The following COL27A1 variants were observed in gnomAD, a reference collection of about 807,000 sequenced individuals.
COL27A1 encodes collagen alpha-1(XXVII) chain.
In COL27A1, 106 loss-of-function variants were observed where a neutral mutation model predicts 251.3. The observed-to-expected ratio is 0.42, with a 90% CI of 0.36 to 0.50. COL27A1 has a LOEUF of 0.50. COL27A1 is among the 20% of genes least tolerant of loss of function. The pLI is 0.00. For missense variants in COL27A1, 2,325 were observed against 2,522.8 expected, an observed-to-expected ratio of 0.92 and a Z score of 1.68; for synonymous variants, 1,000 against 986.3, an observed-to-expected ratio of 1.01 and a Z score of -0.26.
chr9:114,263,226 T>G (rs577173836), intron 28 of COL27A1, among the ~76,000 whole-genome samples: 4 of 152,246 alleles, frequency 2.6e-5, no homozygotes, highest in Non-Finnish European at 1.5e-5. Flanking sequence ...CGTGAGCCAC[T>G]GTGCCCAGCC....
intron 14 of COL27A1, among the ~76,000 whole-genome samples, chr9:114,229,045 A>G (rs771039586): frequency 6.6e-6 from 1 of 152,050 alleles, no homozygotes; most frequent in Non-Finnish European, 1.5e-5. Context: ...GCTGGTCTTG[A>G]ACTCCTGGCC....
At chr9:114,278,352 GCGA>G (rs1835640159) in intron 37 of COL27A1, among the ~76,000 whole-genome samples, 10 of 28,628 alleles carry the variant, frequency 3.5e-4, no homozygotes, top group African/African-American at 5.2e-4. Flanking sequence ...GGTGCTGGTG[GCGA>G]TGGTGATAGT....
chr9:114,303,348 C>T (rs577294008), intron 56 of COL27A1, among the ~76,000 whole-genome samples: 99 of 151,362 alleles, frequency 6.5e-4, no homozygotes, highest in African/African-American at 2.4e-3. Context: ...AAGCAATTCT[C>T]CTGCCTCAGC....
intron 2 of COL27A1, among the ~76,000 whole-genome samples, chr9:114,165,238 T>A (rs1321060448): frequency 3.9e-5 from 6 of 152,202 alleles, no homozygotes; most frequent in Non-Finnish European, 8.8e-5. Flanking sequence ...CATTATAACA[T>A]GCTGCCAGCA....
At chr9:114,292,067 C>G in intron 48 of COL27A1, 36 bp from the exon 49 acceptor site, 3 of 1,535,556 alleles carry the variant, frequency 2.0e-6, no homozygotes, top group Non-Finnish European at 2.6e-6. Context: ...AACCCCTTCC[C>G]ACTTTGACTG....
chr9:114,168,302 C>G lies in COL27A1; in HGVS notation c.747C>G (p.Leu249=). ...ADTYQSPLGP[L]FSQDSGRPFT... ...CGTACCAGTCCCCACTGGGACCTCT[C>G]TTCTCCCAAGACTCTGGCAGACCTT... The change falls in exon 3 of 61, where the codon CTC becomes CTG. Residue 249 remains leucine (L), a synonymous_variant. Transcript: ENST00000356083. 6.2e-7 allele frequency: 1 copy of G among 1,613,496 alleles called. No homozygotes were observed. The highest frequency in any genetic ancestry group is 8.5e-7 in the Non-Finnish European group (1 of 1,180,022).
At chr9:114,245,103 C>T (rs551311097) in intron 23 of COL27A1, among the ~76,000 whole-genome samples, 1 of 150,526 alleles carries the variant, frequency 6.6e-6, no homozygotes, top group South Asian at 2.1e-4. Flanking sequence ...TTTCCCTGCT[C>T]TTCCTGAGAT....
Position 114,168,265 on chromosome 9 carries a change from G to A in COL27A1, c.710G>A (p.Gly237Glu). Residue 237 changes from glycine (G) to glutamate (E), a missense_variant, in exon 3 of 61, where the codon GGA (glycine) becomes GAA (glutamate). Coordinates refer to ENST00000356083, the MANE Select transcript of COL27A1 (RefSeq NM_032888.4). Reference sequence around the variant, plus strand: ...TGTACCCACCTGAGGAAGCAGTGTGGACAGGCTGACACGTACCAGTCCCCA... The same window carrying A: ...TGTACCCACCTGAGGAAGCAGTGTGAACAGGCTGACACGTACCAGTCCCCA... ...NYCTHLRKQC[G>E]QADTYQSPLG... 1 of 1,613,808 alleles carries A rather than the reference G, an allele frequency of 6.2e-7. No homozygotes were observed. Among genetic ancestry groups the A allele is most frequent in the Non-Finnish European group, 8.5e-7 (1 of 1,180,014 alleles).
intron 5 of COL27A1, among the ~76,000 whole-genome samples, chr9:114,189,910 G>A (rs1828629545): frequency 6.6e-6 from 1 of 152,072 alleles, no homozygotes; most frequent in Non-Finnish European, 1.5e-5. Flanking sequence ...GGGTCTCCTG[G>A]ATTTTATAGA....
At chr9:114,233,959 A>T (rs1004778862) in intron 16 of COL27A1, among the ~76,000 whole-genome samples, 1 of 152,148 alleles carries the variant, frequency 6.6e-6, no homozygotes, top group African/African-American at 2.4e-5. Flanking sequence ...GGGATGACAG[A>T]GCCATCCCTT....
At chr9:114,173,500 A>G (rs550869980) in intron 3 of COL27A1, among the ~76,000 whole-genome samples, 10 of 150,342 alleles carry the variant, frequency 6.7e-5, no homozygotes, top group African/African-American at 2.5e-4. Flanking sequence ...ATTTGGGACA[A>G]CCTGGATTTG....
chr9:114,292,145 C>G lies in COL27A1; in HGVS notation c.4519C>G (p.Arg1507Gly). 1 of 1,562,116 alleles carries G rather than the reference C, an allele frequency of 6.4e-7. No homozygotes were observed. Among genetic ancestry groups the G allele is most frequent in the Non-Finnish European group, 8.7e-7 (1 of 1,153,020 alleles). ...LPGQLGPPGK[R>G]GTEGRTGLPG... ...CGGACAGCTGGGTCCCCCTGGCAAG[C>G]GAGGAACAGAGGGCAGAACGGGGCT... Residue 1507 changes from arginine (R) to glycine (G), a missense_variant, in exon 49 of 61, where the codon CGA becomes GGA. Coordinates refer to ENST00000356083, the MANE Select transcript of COL27A1 (RefSeq NM_032888.4).
In COL27A1 at chr9:114,312,098, T is replaced by G. The variant is rs570247694; in HGVS notation, c.*1403T>G. ...AACAAGTCGGCGCTTGAATTGGATT[T>G]TGAGGTTATTTTAACCATGGAATTA... On this transcript the variant is annotated 3_prime_UTR_variant, in exon 61 of 61. Transcript: ENST00000356083. The G allele has an allele frequency of 6.6e-6, 1 of 152,218 alleles. No homozygotes were observed. The allele number at this position is 152,218 out of a possible 1,614,324, so 9.4% of individuals were successfully genotyped here.
intron 40 of COL27A1, 104 bp downstream of exon 40, chr9:114,283,866 C>A: frequency 8.4e-7 from 1 of 1,186,942 alleles, no homozygotes; most frequent in African/African-American, 1.5e-5. Context: ...TGAAGGCTGA[C>A]CCCTGGAATA....
chr9:114,222,282 G>C lies in COL27A1; in HGVS notation c.2466+15G>C. On this transcript the variant is annotated intron_variant, in intron 14 of 60. Transcript: ENST00000356083. ...CCGGCCTCATTGTAAGTACATTGAT[G>C]CCTGGGGCAGCAGGTGGGTGTTGAG... 6.2e-7 allele frequency: 1 copy of C among 1,611,126 alleles called. No individual in the cohort carries two copies. Among genetic ancestry groups the C allele is most frequent in the South Asian group, 1.1e-5 (1 of 90,936 alleles).
chr9:114,212,594 T>A (rs1401938798), intron 12 of COL27A1, among the ~76,000 whole-genome samples: 1 of 152,086 alleles, frequency 6.6e-6, no homozygotes, highest in Non-Finnish European at 1.5e-5. Flanking sequence ...GTCCAGAAAG[T>A]CTCCCTCGCT....
chr9:114,183,004 G>A lies in COL27A1; in HGVS notation c.1963-18G>A, dbSNP rs776889034. The A allele has an allele frequency of 6.2e-7, 1 of 1,609,416 alleles. No homozygotes were observed. Among genetic ancestry groups the A allele is most frequent in the South Asian group, 1.1e-5 (1 of 90,336 alleles). On this transcript the variant is annotated intron_variant, in intron 4 of 60. Transcript: ENST00000356083. The stretch of plus-strand genomic sequence containing the variant: ...TTTTTTGTCACCTTTTTTTGTTTTT[G>A]TTCCTTGTCTCTTTCAGGGTCCTCC...
chr9:114,296,146 C>G (rs1828243445), intron 49 of COL27A1, among the ~76,000 whole-genome samples: 1 of 152,050 alleles, frequency 6.6e-6, no homozygotes, highest in Non-Finnish European at 1.5e-5. Context: ...TTGGATAAGA[C>G]AAAGATTTCT....
At chr9:114,190,777 C>T (rs541378136) in intron 5 of COL27A1, among the ~76,000 whole-genome samples, 3 of 152,188 alleles carry the variant, frequency 2.0e-5, no homozygotes, top group South Asian at 4.1e-4. Context: ...GCAGAGTCTG[C>T]CATTTCACAT....
Sources: gnomAD v4.1 joint callset for allele counts (sites outside exome capture counted in the v4.1 genomes callset) on GRCh38, gnomAD v4.1.1 for gene constraint, MANE v1.5 for transcripts, NCBI Gene and HGNC (gene_info 2026-07-23, HGNC 2026-07-21) for gene names.